Variants in MSRA observed in about 807,000 individuals in gnomAD.
MSRA encodes the protein mitochondrial peptide methionine sulfoxide reductase.
Under a neutral mutation model 31.3 loss-of-function variants are expected in MSRA, and 54 were observed. The observed-to-expected ratio is 1.73, with a 90% CI of 1.39 to 2.17. MSRA has a LOEUF of 2.17. Among genes scored for constraint, MSRA ranks in the 30% most tolerant of loss-of-function variants. The probability of loss-of-function intolerance (pLI) is 0.00; values close to 1 mark genes in which losing one functional copy is unlikely to be tolerated. For synonymous variants in MSRA, 169 were observed against 116.5 expected, an observed-to-expected ratio of 1.45 and a Z score of -2.90; for missense variants, 507 against 300.9, an observed-to-expected ratio of 1.69 and a Z score of -5.07.
chr8:10,232,043 C>A (rs573084862), intron 2 of MSRA, among the ~76,000 whole-genome samples: 1 of 152,330 alleles, frequency 6.6e-6, no homozygotes, highest in African/African-American at 2.4e-5. Context: ...GGAAAGTGTA[C>A]AGTCTCAGGG....
intron 5 of MSRA, chr8:10,336,762 A>G (rs1803072227): frequency 6.6e-6 from 1 of 152,224 alleles, no homozygotes; most frequent in African/African-American, 2.4e-5. Context: ...GTGTGTGTGT[A>G]TACACATTTG....
intron 1 of MSRA, among the ~76,000 whole-genome samples, chr8:10,172,964 A>G (rs867732614): frequency 2.0e-5 from 3 of 152,328 alleles, no homozygotes; most frequent in African/African-American, 7.2e-5. Context: ...TAACCATGAC[A>G]CAGATTGGAG....
chr8:10,118,396 A>G lies in MSRA; in HGVS notation c.142+63738A>G, dbSNP rs564153136. Reference sequence around the variant, plus strand: ...CAACTATGTGCAAAGGCCCCATGACATAAATAAGCACAGAAGATGTGTCTG... The same window carrying G: ...CAACTATGTGCAAAGGCCCCATGACGTAAATAAGCACAGAAGATGTGTCTG... On this transcript the variant is annotated intron_variant, in intron 1 of 5. Coordinates refer to ENST00000317173, the MANE Select transcript of MSRA (RefSeq NM_012331.5). 2.0e-5 allele frequency among the ~76,000 whole-genome samples: 3 copies of G among 152,304 alleles called. No individual in the cohort carries two copies. The East Asian group carries it at 5.8e-4, about 29-fold the overall frequency.
At chr8:10,241,314 A>G (rs186986192) in intron 2 of MSRA, among the ~76,000 whole-genome samples, 125 of 152,328 alleles carry the variant, frequency 8.2e-4, no homozygotes, top group South Asian at 6.2e-4. Flanking sequence ...CAAAGAAGCT[A>G]TGAGACAACT....
chr8:10,367,221 C>T (rs1182210306), intron 5 of MSRA, among the ~76,000 whole-genome samples: 1 of 151,938 alleles, frequency 6.6e-6, no homozygotes, highest in Non-Finnish European at 1.5e-5. Flanking sequence ...GTGATCAGAT[C>T]GACAGATCAC....
intron 1 of MSRA, among the ~76,000 whole-genome samples, chr8:10,084,668 G>A (rs1329415988): frequency 6.6e-6 from 1 of 152,232 alleles, no homozygotes; most frequent in Non-Finnish European, 1.5e-5. Flanking sequence ...ATACCCTGAT[G>A]AGAGGTAGGT....
intron 1 of MSRA, chr8:10,096,289 C>G (rs1395690714): frequency 2.6e-5 from 30 of 1,138,158 alleles, no homozygotes; most frequent in Non-Finnish European, 2.9e-5. Context: ...CTGAAGACAC[C>G]AGACTTCGCT....
chr8:10,411,075 G>C (rs1808130673), intron 5 of MSRA: 1 of 151,854 alleles, frequency 6.6e-6, no homozygotes, highest in Non-Finnish European at 1.5e-5. Context: ...GCCCGAATGA[G>C]ACCCCTCCAT....
intron 1 of MSRA, among the ~76,000 whole-genome samples, chr8:10,147,060 C>A (rs970969721): frequency 6.6e-6 from 1 of 152,102 alleles, no homozygotes; most frequent in Non-Finnish European, 1.5e-5. Flanking sequence ...CAGATGAGTG[C>A]CGGTTGCAGT....
chr8:10,333,222 G>A (rs1018128804), intron 5 of MSRA, among the ~76,000 whole-genome samples: 1 of 152,182 alleles, frequency 6.6e-6, no homozygotes, highest in Non-Finnish European at 1.5e-5. Flanking sequence ...TGGCAACAGG[G>A]GAATGTTTAG....
At chr8:10,145,578 C>G (rs1803077278) in intron 1 of MSRA, among the ~76,000 whole-genome samples, 1 of 152,148 alleles carries the variant, frequency 6.6e-6, no homozygotes, top group South Asian at 2.1e-4. Flanking sequence ...GGCGGGTGGC[C>G]TTCTTGTACT....
intron 1 of MSRA, among the ~76,000 whole-genome samples, chr8:10,182,755 T>C (rs1213378924): frequency 6.6e-6 from 1 of 152,152 alleles, no homozygotes; most frequent in East Asian, 1.9e-4. Flanking sequence ...CAGTTTTTTG[T>C]CACATGGGCC....
At chr8:10,302,321 C>G (rs979152891) in intron 4 of MSRA, among the ~76,000 whole-genome samples, 3 of 152,248 alleles carry the variant, frequency 2.0e-5, no homozygotes, top group Non-Finnish European at 2.9e-5. Context: ...ATCCCAGCAG[C>G]CTTGCAGGCC....
intron 1 of MSRA, among the ~76,000 whole-genome samples, chr8:10,192,371 G>A (rs1807583814): frequency 6.6e-6 from 1 of 152,120 alleles, no homozygotes; most frequent in East Asian, 1.9e-4. Flanking sequence ...CGGTAGAGTG[G>A]ATCCTCCCCC....
At chr8:10,189,835 T>C (rs902461506) in intron 1 of MSRA, among the ~76,000 whole-genome samples, 1 of 152,214 alleles carries the variant, frequency 6.6e-6, no homozygotes, top group Non-Finnish European at 1.5e-5. Flanking sequence ...GTGGGTCTTA[T>C]GAAATGAGCT....
chr8:10,373,171 G>A (rs551458009), intron 5 of MSRA, among the ~76,000 whole-genome samples: 16 of 152,346 alleles, frequency 1.1e-4, no homozygotes, highest in African/African-American at 3.1e-4. Flanking sequence ...GATTACAAGC[G>A]TGAGCCACCG....
chr8:10,365,740 A>T (rs1164508603), intron 5 of MSRA, among the ~76,000 whole-genome samples: 3 of 152,146 alleles, frequency 2.0e-5, no homozygotes, highest in Non-Finnish European at 4.4e-5. Flanking sequence ...TAGGGAAGGG[A>T]GATTTGTCTT....
At chr8:10,304,276 C>G (rs781566180) in intron 4 of MSRA, among the ~76,000 whole-genome samples, 1 of 152,192 alleles carries the variant, frequency 6.6e-6, no homozygotes, top group South Asian at 2.1e-4. Flanking sequence ...GGGATACGCA[C>G]GAGTATCCGG....
intron 1 of MSRA, among the ~76,000 whole-genome samples, chr8:10,148,287 C>T (rs542332068): frequency 6.6e-6 from 1 of 151,426 alleles, no homozygotes; most frequent in African/African-American, 2.4e-5. Context: ...ATTTTTAGAT[C>T]AGGGCTGAAG....
Sources: allele counts gnomAD v4.1 joint callset (sites outside exome capture counted in the v4.1 genomes callset), GRCh38; gene constraint gnomAD v4.1.1; transcripts MANE v1.5; gene names NCBI Gene and HGNC (gene_info 2026-07-23, HGNC 2026-07-21).